PSG5: variants seen among roughly 807,000 people sequenced by gnomAD.
PSG5 encodes pregnancy-specific beta-1-glycoprotein 5.
A neutral mutation model predicts 37.7 loss-of-function variants in PSG5; 53 were observed. The ratio of observed to expected loss-of-function variants is 1.41; its 90% CI spans 1.13 to 1.77. The LOEUF (loss-of-function observed/expected upper bound fraction) is 1.77. PSG5 is among the 40% of genes most tolerant of loss of function. The pLI is 0.00. For synonymous variants in PSG5, 221 were observed against 155.4 expected (o/e 1.42, Z -3.14); for missense variants, 547 against 405.2 (o/e 1.35, Z -3.00).
rs968708581 is a variant in PSG5, at chr19:43,175,073, G to C, written c.964+142C>G. ...GAAGAGAGTTTGTAGAGACAAATTG[G>C]AAGGGTTCAGGAGGAGAATTTGGGA... is the stretch of plus-strand genomic sequence containing the variant. On this transcript the variant is annotated intron_variant, in intron 4 of 5. Coordinates refer to ENST00000342951, the MANE Select transcript of PSG5 (RefSeq NM_002781.4). The C allele has an allele frequency of 1.9e-6, 3 of 1,569,958 alleles. 1 individual carries two copies. In the African/African-American group the frequency reaches 4.1e-5, roughly 22 times the overall value.
intron 2 of PSG5, among the ~76,000 whole-genome samples, chr19:43,182,031 G>C (rs1332720973): frequency 6.6e-6 from 1 of 151,678 alleles, no homozygotes; most frequent in Non-Finnish European, 1.5e-5. Flanking sequence ...CAGCAAAGTA[G>C]CATGTCTGAC....
Position 43,181,766 on chromosome 19 carries a change from T to C in PSG5, c.430+3016A>G, listed in dbSNP as rs193291246. Among the ~76,000 whole-genome samples, 1,223 of 151,890 alleles carry C rather than the reference T, an allele frequency of 8.1e-3. 87 individuals are homozygous for C. The highest frequency in any genetic ancestry group is 0.074 in the Admixed American group (1,123 of 15,218). On this transcript the variant is annotated intron_variant, in intron 2 of 5. Transcript: ENST00000342951. ...CTGTGCCCAGCCATCTCTGAGGGAT[T>C]TTAATGAGTTGTTGACTTTTGAGTT...
intron 3 of PSG5, 140 bp downstream of exon 3, chr19:43,175,730 G>C (rs1189438437): frequency 2.7e-6 from 4 of 1,496,898 alleles, no homozygotes; most frequent in Non-Finnish European, 3.6e-6. Context: ...GGTTTTCCAA[G>C]GGCAGGGAGT....
At chr19:43,174,187 A>C (rs1968957635) in intron 4 of PSG5, 1 of 152,382 alleles carries the variant, frequency 6.6e-6, no homozygotes, top group Admixed American at 6.6e-5. Flanking sequence ...CAGAATGTAG[A>C]ATGGTGTGTG....
In PSG5 at chr19:43,170,057, G is replaced by C. The variant is rs1968870816; in HGVS notation, c.*38C>G. 6.6e-7 allele frequency: 1 copy of C among 1,520,006 alleles called. No homozygotes were observed. The highest frequency in any genetic ancestry group is 9.1e-7 in the Non-Finnish European group (1 of 1,103,910). 94.2% of individuals were successfully genotyped at this position (1,520,006 alleles called of 1,614,324 possible). A position where few individuals can be genotyped will look rare whatever the true frequency, so the allele number is the denominator to read the frequency against. On this transcript the variant is annotated splice_region_variant and 3_prime_UTR_variant, in exon 5 of 6. Transcript: ENST00000342951. ...GATAAGAGAAAAGGCCATCATACCT[G>C]CCAGTCTTCCTGAAATACAGAAATG...
intron 2 of PSG5, chr19:43,180,363 T>A (rs552101869): frequency 1.3e-5 from 2 of 151,662 alleles, no homozygotes; most frequent in African/African-American, 2.4e-5. Flanking sequence ...CTAATTTTTT[T>A]AATTTTGGAA....
chr19:43,169,621 C>G (rs144933347), intron 5 of PSG5, among the ~76,000 whole-genome samples: 19 of 151,680 alleles, frequency 1.3e-4, no homozygotes, highest in African/African-American at 4.1e-4. Context: ...CCTGCAGATT[C>G]TTGATTAAGT....
At chr19:43,173,661 T>C (rs1968947761) in intron 4 of PSG5, among the ~76,000 whole-genome samples, 1 of 151,606 alleles carries the variant, frequency 6.6e-6, no homozygotes, top group Non-Finnish European at 1.5e-5. Context: ...TTACACCACC[T>C]CACACACTTT....
intron 1 of PSG5, 26 bp from the exon 2 acceptor site, chr19:43,185,173 A>T: frequency 6.3e-7 from 1 of 1,577,782 alleles, no homozygotes; most frequent in Non-Finnish European, 8.6e-7. Flanking sequence ...AGCACCAGTC[A>T]ATATTGAGAC....
In PSG5 at chr19:43,185,064, C is replaced by A. The variant is rs768104897; in HGVS notation, c.148G>T (p.Asp50Tyr). 1.2e-6 allele frequency: 2 copies of A among 1,612,358 alleles called. No homozygotes were observed. The highest frequency in any genetic ancestry group is 2.7e-5 in the African/African-American group (2 of 74,490). ...ALPPKVSEGK[D>Y]VLLLVHNLPQ... Reference sequence around the variant, plus strand: ...AAATTGTGGACAAGTAGAAGAACATCCTTCCCCTCGGAAACTTTGGGTGGC... The same window carrying A: ...AAATTGTGGACAAGTAGAAGAACATACTTCCCCTCGGAAACTTTGGGTGGC... Residue 50 changes from aspartate to tyrosine, a missense_variant, in exon 2 of 6, where the codon GAT becomes TAT. Physicochemically the swap from Asp to Tyr is radical, Grantham distance 160. Coordinates refer to ENST00000342951, the MANE Select transcript of PSG5 (RefSeq NM_002781.4).
intron 1 of PSG5, among the ~76,000 whole-genome samples, 193 bp downstream of exon 1, chr19:43,186,149 T>G (rs1338598234): frequency 6.6e-6 from 1 of 151,236 alleles, no homozygotes; most frequent in Non-Finnish European, 1.5e-5. Context: ...GTTAATTTTT[T>G]GTATTTTTAG....
rs867919244 is a variant in PSG5 at position 43,167,778 on chromosome 19, A to G, written c.*466T>C. 4 of 199,184 alleles carry G rather than the reference A, an allele frequency of 2.0e-5. No individual in the cohort carries two copies. Among genetic ancestry groups the G allele is most frequent in the Non-Finnish European group, 4.0e-5 (4 of 99,018 alleles). The allele number at this position is 199,184 out of a possible 1,614,324, so 12.3% of individuals were successfully genotyped here. Reference sequence around the variant, plus strand: ...CAGATAACTTTATTACCATAAACATATGAATACTCATGAATAGTTTCCCAA... The same window carrying G: ...CAGATAACTTTATTACCATAAACATGTGAATACTCATGAATAGTTTCCCAA... On this transcript the variant is annotated 3_prime_UTR_variant, in exon 6 of 6. Coordinates refer to ENST00000342951, the MANE Select transcript of PSG5 (RefSeq NM_002781.4).
Position 43,186,473 on chromosome 19 carries a change from C to T in PSG5, c.-68G>A. 6.2e-7 allele frequency: 1 copy of T among 1,601,406 alleles called. No individual in the cohort carries two copies. Among genetic ancestry groups the T allele is most frequent in the Admixed American group, 1.7e-5 (1 of 59,152 alleles). On this transcript the variant is annotated 5_prime_UTR_variant, in exon 1 of 6. Transcript: ENST00000342951. Reference sequence around the variant, plus strand: ...GGATCCAGAAACTTCCTGAGCACGGCTGTAGGCTGTGCTGTCCTTCCTCCT... The same window carrying T: ...GGATCCAGAAACTTCCTGAGCACGGTTGTAGGCTGTGCTGTCCTTCCTCCT...
Position 43,175,888 on chromosome 19 carries a change from C to G in PSG5, c.691G>C (p.Val231Leu), listed in dbSNP as rs149130310. 7.3e-4 allele frequency: 1,173 copies of G among 1,612,508 alleles called. 42 individuals carry two copies. The African/African-American group carries it at 0.014, about 19-fold the overall frequency. The change falls in exon 3 of 6, where the codon GTC (valine) becomes CTC (leucine). Residue 231 changes from valine (V) to leucine (L), a missense_variant. By Grantham distance (32) the Val-to-Leu change is conservative. Transcript: ENST00000342951. Reference protein sequence around the residue: ...DRDGGMRSDPVTLNVLYGPDL... With the variant: ...DRDGGMRSDPLTLNVLYGPDL... ...TACTCACAGAGGACATTCAGGGTGACTGGGTCACTGCGCATGCCACCATCT... is the reference window on the plus strand; with the variant it reads ...TACTCACAGAGGACATTCAGGGTGAGTGGGTCACTGCGCATGCCACCATCT...
chr19:43,172,914 T>A (rs1455383822), intron 4 of PSG5, among the ~76,000 whole-genome samples: 1 of 151,588 alleles, frequency 6.6e-6, no homozygotes, highest in Non-Finnish European at 1.5e-5. Flanking sequence ...TGACTCTAAA[T>A]AGACACATAG....
At chr19:43,184,738 G>A (rs1184090923) in intron 2 of PSG5, 44 bp downstream of exon 2, 2 of 1,602,376 alleles carry the variant, frequency 1.2e-6, no homozygotes, top group South Asian at 2.2e-5. Context: ...AAGTAGAAAT[G>A]ACCCCTGTCC....
chr19:43,181,255 A>G lies in PSG5; in HGVS notation c.430+3527T>C, dbSNP rs924808657. ...CTGACAGCCTTTGCAGTTGTCCACA[A>G]CTACAAAATTTAAAAATTGCTATTG... On this transcript the variant is annotated intron_variant, in intron 2 of 5. Transcript: ENST00000342951. Among the ~76,000 whole-genome samples, 3 of 151,780 alleles carry G rather than the reference A, an allele frequency of 2.0e-5. 1 individual carries two copies. The highest frequency in any genetic ancestry group is 7.3e-5 in the African/African-American group (3 of 41,278).
In PSG5 at chr19:43,180,186, T is replaced by A. The variant is rs551892323; in HGVS notation, c.431-4038A>T. 3.3e-5 allele frequency among the ~76,000 whole-genome samples: 5 copies of A among 151,450 alleles called. No homozygotes were observed. The East Asian group carries it at 9.7e-4, about 29-fold the overall frequency. On this transcript the variant is annotated intron_variant, in intron 2 of 5. Transcript: ENST00000342951. Reference sequence around the variant, plus strand: ...AGTGAATCAGAGAGTAGAATAGTAGTTTGCAGGAGCTGGGATCAGGGGAAT... The same window carrying A: ...AGTGAATCAGAGAGTAGAATAGTAGATTGCAGGAGCTGGGATCAGGGGAAT...
Position 43,184,863 on chromosome 19 carries a change from C to A in PSG5, c.349G>T (p.Ala117Ser), listed in dbSNP as rs752397188. ...ATGATGTGTAAGGTGTAGGATCCTG[C>A]GTCTTCCCGGGTGACATTCTGGATC... ...LLIQNVTRED[A>S]GSYTLHIIKR... Residue 117 changes from alanine to serine, a missense_variant, in exon 2 of 6, where the codon GCA becomes TCA. By Grantham distance (99) the Ala-to-Ser change is moderately conservative. Coordinates refer to ENST00000342951, the MANE Select transcript of PSG5 (RefSeq NM_002781.4). 16 of 1,612,432 alleles carry A rather than the reference C, an allele frequency of 9.9e-6. 1 individual carries two copies. The highest frequency in any genetic ancestry group is 4.0e-5 in the African/African-American group (3 of 74,488).
Sources: allele counts gnomAD v4.1 joint callset (sites outside exome capture counted in the v4.1 genomes callset), GRCh38; gene constraint gnomAD v4.1.1; transcripts MANE v1.5; gene names NCBI Gene and HGNC (gene_info 2026-07-23, HGNC 2026-07-21).